Variants in HSCB observed in about 807,000 individuals in gnomAD.
HSCB encodes the protein iron-sulfur cluster co-chaperone protein HscB.
A neutral mutation model predicts 31.3 loss-of-function variants in HSCB; 23 were observed. The observed-to-expected ratio is 0.74, with a 90% CI of 0.53 to 1.04. The LOEUF is 1.04. Ranked by LOEUF, HSCB falls within the 50% of genes least tolerant of loss-of-function variation. The probability of loss-of-function intolerance (pLI) is 0.00; values close to 1 mark genes in which losing one functional copy is unlikely to be tolerated. For missense variants in HSCB, 297 were observed against 288.1 expected (o/e 1.03, Z -0.22); for synonymous variants, 110 against 104.5 (o/e 1.05, Z -0.32).
At position 28,744,616 on chromosome 22, in the gene HSCB, C is replaced by A. The variant is rs776396020; in HGVS notation, c.335C>A (p.Thr112Asn). ...TACTATCTTCATCTCCACTAACAGA[C>A]TGAAAAGGACTTCTCAGAGAAGCAT... ...HPDFFSQRSQ[T>N]EKDFSEKHST... Residue 112 changes from threonine to asparagine, a missense_variant and splice_region_variant, in exon 3 of 6, where the codon ACT becomes AAT. Transcript: ENST00000216027. The A allele has an allele frequency of 6.2e-7, 1 of 1,608,926 alleles. No homozygotes were observed.
intron 5 of HSCB, 103 bp downstream of exon 5, chr22:28,751,391 C>A: frequency 1.6e-6 from 1 of 633,266 alleles, no homozygotes; most frequent in Non-Finnish European, 2.8e-6. Flanking sequence ...CCTATGATAG[C>A]TATATAGGGA....
Position 28,747,619 on chromosome 22 carries a change from C to G in HSCB, c.568+1611C>G, listed in dbSNP as rs1229529452. Among the ~76,000 whole-genome samples the G allele has an allele frequency of 4.6e-5, 7 of 152,122 alleles. No individual in the cohort carries two copies. The East Asian group carries it at 1.3e-3, about 29-fold the overall frequency. On this transcript the variant is annotated intron_variant, in intron 4 of 5. Coordinates refer to ENST00000216027, the MANE Select transcript of HSCB (RefSeq NM_172002.5). ...TGCCTGGCATAGATTAGTGTTTGAT[C>G]AAGCAACTGGGCACCATAGCCTAGC... is the stretch of plus-strand genomic sequence containing the variant.
intron 5 of HSCB, among the ~76,000 whole-genome samples, chr22:28,755,570 A>G (rs1370607874): frequency 2.0e-5 from 3 of 152,106 alleles, no homozygotes; most frequent in Non-Finnish European, 2.9e-5. Context: ...TTTTAACCAT[A>G]TATGTACATA....
chr22:28,744,189 A>G (rs1216494401), intron 2 of HSCB, among the ~76,000 whole-genome samples: 5 of 152,232 alleles, frequency 3.3e-5, no homozygotes, highest in Non-Finnish European at 7.3e-5. Context: ...TCAGCTGAAT[A>G]TAAAGACACC....
chr22:28,746,005 A>C lies in HSCB; in HGVS notation c.565A>C (p.Lys189Gln), dbSNP rs1313041185. The C allele has an allele frequency of 3.1e-6, 5 of 1,609,306 alleles. No homozygotes were observed. Among genetic ancestry groups the C allele is most frequent in the Non-Finnish European group, 1.7e-6 (2 of 1,178,644 alleles). Residue 189 changes from lysine to glutamine, a missense_variant, in exon 4 of 6, where the codon AAA becomes CAA. Lys to Gln is a moderately conservative substitution (Grantham distance 53). Coordinates refer to ENST00000216027, the MANE Select transcript of HSCB (RefSeq NM_172002.5). The part of the protein sequence containing the change: ...AAMKEIESIV[K>Q]AKQKEFTDNV... ...CATGAAAGAGATTGAATCCATTGTC[A>C]AAGGTGAAAGATAAAATAGCACTGA... is the stretch of plus-strand genomic sequence containing the variant.
At chr22:28,755,642 CTTT>C (rs1267591564) in intron 5 of HSCB, among the ~76,000 whole-genome samples, 3 of 151,980 alleles carry the variant, frequency 2.0e-5, no homozygotes, top group Admixed American at 2.0e-4. Context: ...CCTTCTGTGA[CTTT>C]TTTGCTTAAT....
rs1167478517 is a variant in HSCB, at chr22:28,745,890, T to G, written c.450T>G (p.Pro150=). ...TAAAGCTCCATGGAATAGAGATTCC[T>G]GAAAGGACAGATTATGAAATGGACA... ...YLLKLHGIEI[P]ERTDYEMDRQ... Residue 150 remains proline (P), a synonymous_variant, in exon 4 of 6, where the codon CCT becomes CCG. Coordinates refer to ENST00000216027, the MANE Select transcript of HSCB (RefSeq NM_172002.5). 6.2e-7 allele frequency: 1 copy of G among 1,612,704 alleles called. No homozygotes were observed. Among genetic ancestry groups the G allele is most frequent in the Admixed American group, 1.7e-5 (1 of 59,722 alleles).
chr22:28,752,429 CA>C (rs564221588), intron 5 of HSCB, among the ~76,000 whole-genome samples: 6,796 of 65,996 alleles, frequency 0.1, 151 homozygotes, highest in Non-Finnish European at 0.13. Flanking sequence ...GACTTTGTCT[CA>C]AAAAAAAAAA....
chr22:28,742,415 G>A, intron 1 of HSCB, 84 bp downstream of exon 1: 2 of 1,547,418 alleles, frequency 1.3e-6, no homozygotes, highest in South Asian at 1.2e-5. Flanking sequence ...GGATCTGGCT[G>A]GCGGAAGAGA....
intron 4 of HSCB, among the ~76,000 whole-genome samples, chr22:28,750,270 A>C (rs946174090): frequency 3.0e-5 from 4 of 135,438 alleles, no homozygotes; most frequent in South Asian, 2.6e-4. Flanking sequence ...AAAAAAAAAA[A>C]AAAAAACACT....
At chr22:28,755,947 T>C (rs768982686) in intron 5 of HSCB, among the ~76,000 whole-genome samples, 35 of 152,060 alleles carry the variant, frequency 2.3e-4, no homozygotes, top group Non-Finnish European at 3.7e-4. Context: ...TCATCCCCAG[T>C]TGAAAATCAC....
chr22:28,744,136 C>T (rs2054643377), intron 2 of HSCB, among the ~76,000 whole-genome samples, 158 bp downstream of exon 2: 1 of 152,242 alleles, frequency 6.6e-6, no homozygotes, highest in African/African-American at 2.4e-5. Flanking sequence ...AGCTGCCATT[C>T]ACTCACAGCT....
chr22:28,754,182 C>A (rs906795204), intron 5 of HSCB, among the ~76,000 whole-genome samples: 1 of 152,048 alleles, frequency 6.6e-6, no homozygotes, highest in Non-Finnish European at 1.5e-5. Context: ...CATGGATGAA[C>A]CTTGAGGACA....
At position 28,742,153 on chromosome 22, in the gene HSCB, G is replaced by A. The variant is rs768995082; in HGVS notation, c.58G>A (p.Val20Ile). ...GGTGTGGGGGTTTTGGCCGACAGGGGTTCCCAGAAGGAGACCGCTAAGCTG... is the reference window on the plus strand; with the variant it reads ...GGTGTGGGGGTTTTGGCCGACAGGGATTCCCAGAAGGAGACCGCTAAGCTG... The part of the protein sequence containing the change: ...LRVWGFWPTG[V>I]PRRRPLSCDA... Residue 20 changes from valine to isoleucine, a missense_variant, in exon 1 of 6, where the codon GTT becomes ATT. Coordinates refer to ENST00000216027, the MANE Select transcript of HSCB (RefSeq NM_172002.5). 12 of 1,613,444 alleles carry A rather than the reference G, an allele frequency of 7.4e-6. No homozygotes were observed. Among genetic ancestry groups the A allele is most frequent in the South Asian group, 4.4e-5 (4 of 90,998 alleles).
intron 5 of HSCB, among the ~76,000 whole-genome samples, chr22:28,751,968 C>T (rs1293166893): frequency 1.3e-5 from 2 of 150,828 alleles, no homozygotes; most frequent in Admixed American, 6.6e-5. Context: ...CATGTGCCTA[C>T]AGTCCCAGCT....
chr22:28,745,581 T>G (rs986086207), intron 3 of HSCB: 1 of 214,912 alleles, frequency 4.7e-6, no homozygotes, highest in African/African-American at 2.3e-5. Context: ...CTAGAAAATT[T>G]TATAATTGAA....
chr22:28,753,370 A>G (rs935379270), intron 5 of HSCB, among the ~76,000 whole-genome samples: 3 of 150,628 alleles, frequency 2.0e-5, no homozygotes, highest in African/African-American at 7.3e-5. Flanking sequence ...TACTAAAAAT[A>G]CAAAAAAATT....
At chr22:28,754,145 CAAAA>C (rs34428847) in intron 5 of HSCB, among the ~76,000 whole-genome samples, 1 of 133,070 alleles carries the variant, frequency 7.5e-6, no homozygotes, top group Non-Finnish European at 1.7e-5. Context: ...AACAAACAAA[CAAAA>C]AAAAATCTGA....
intron 4 of HSCB, among the ~76,000 whole-genome samples, 155 bp downstream of exon 4, chr22:28,746,163 C>T (rs933210230): frequency 1.3e-5 from 2 of 151,968 alleles, no homozygotes; most frequent in Admixed American, 6.6e-5. Flanking sequence ...AGTGGATCAC[C>T]TGAGGTCAGG....
Sources: gnomAD v4.1 joint callset for allele counts (sites outside exome capture counted in the v4.1 genomes callset) on GRCh38, gnomAD v4.1.1 for gene constraint, MANE v1.5 for transcripts, NCBI Gene and HGNC (gene_info 2026-07-23, HGNC 2026-07-21) for gene names.